The following FAM227B variants were observed in gnomAD, a reference collection of about 807,000 sequenced individuals.
FAM227B encodes protein FAM227B.
In FAM227B, 88 loss-of-function variants were observed where a neutral mutation model predicts 73.8. The ratio of observed to expected loss-of-function variants is 1.19; its 90% CI spans 1.00 to 1.42. The LOEUF (loss-of-function observed/expected upper bound fraction) is 1.42. Among genes scored for constraint, FAM227B ranks in the 40% most tolerant of loss-of-function variants. The probability of loss-of-function intolerance (pLI) is 0.00; values close to 1 mark genes in which losing one functional copy is unlikely to be tolerated. For synonymous variants in FAM227B, 210 were observed against 190.5 expected, an observed-to-expected ratio of 1.10 and a Z score of -0.84; for missense variants, 632 against 590.9, an observed-to-expected ratio of 1.07 and a Z score of -0.72.
chr15:49,354,916 A>T (rs946002905), intron 13 of FAM227B, among the ~76,000 whole-genome samples: 4 of 152,044 alleles, frequency 2.6e-5, no homozygotes, highest in Admixed American at 6.5e-5. Flanking sequence ...CTGCCTCCTC[A>T]AGTGGGTCCC....
intron 12 of FAM227B, 106 bp from the exon 13 acceptor site, chr15:49,367,714 T>C: frequency 2.7e-6 from 3 of 1,100,910 alleles, no homozygotes; most frequent in Non-Finnish European, 3.8e-6. Flanking sequence ...ATTTGATATA[T>C]TAAAATAAAG....
intron 10 of FAM227B, among the ~76,000 whole-genome samples, chr15:49,516,633 G>A (rs2152137950): frequency 6.6e-6 from 1 of 151,780 alleles, no homozygotes; most frequent in East Asian, 1.9e-4. Flanking sequence ...GCTGGGATGT[G>A]GAATTCAGTC....
intron 8 of FAM227B, among the ~76,000 whole-genome samples, chr15:49,569,302 T>C (rs900326502): frequency 6.6e-6 from 1 of 151,908 alleles, no homozygotes; most frequent in Non-Finnish European, 1.5e-5. Context: ...TCCATTTTGT[T>C]CTTCTCAGAG....
At chr15:49,373,126 A>G (rs2045951119) in intron 11 of FAM227B, among the ~76,000 whole-genome samples, 1 of 152,002 alleles carries the variant, frequency 6.6e-6, no homozygotes, top group Non-Finnish European at 1.5e-5. Context: ...TCTATGAACC[A>G]GTATCATTAA....
intron 11 of FAM227B, among the ~76,000 whole-genome samples, chr15:49,380,319 C>T (rs1327443820): frequency 6.6e-6 from 1 of 152,124 alleles, no homozygotes; most frequent in Non-Finnish European, 1.5e-5. Flanking sequence ...AAATGCTGTC[C>T]AAGAGTCAAA....
intron 13 of FAM227B, chr15:49,344,115 T>A (rs1432816563): frequency 6.6e-6 from 1 of 152,174 alleles, no homozygotes; most frequent in African/African-American, 2.4e-5. Context: ...AACTAAACCT[T>A]ATGAAATCTC....
At chr15:49,470,387 C>T (rs189704595) in intron 11 of FAM227B, among the ~76,000 whole-genome samples, 238 of 152,112 alleles carry the variant, frequency 1.6e-3, no homozygotes, top group African/African-American at 5.5e-3. Context: ...TTCTGTTGAT[C>T]CTACATATCT....
Position 49,429,309 on chromosome 15 carries a change from A to C in FAM227B, c.1013-57910T>G, listed in dbSNP as rs76199841. Among the ~76,000 whole-genome samples the C allele has an allele frequency of 2.0e-5, 3 of 152,096 alleles. No individual in the cohort carries two copies. In the East Asian group the frequency reaches 5.8e-4, roughly 29 times the overall value. On this transcript the variant is annotated intron_variant, in intron 11 of 15. Coordinates refer to ENST00000299338, the MANE Select transcript of FAM227B (RefSeq NM_152647.3). ...GGCTTTAAATTATGAAGAATGGATAAACTGCTGGGGAGCAGATTTGAAAAT... is the reference window on the plus strand; with the variant it reads ...GGCTTTAAATTATGAAGAATGGATACACTGCTGGGGAGCAGATTTGAAAAT...
In FAM227B at chr15:49,550,036, C is replaced by T. The variant is rs1181639345; in HGVS notation, c.748-8230G>A. On this transcript the variant is annotated intron_variant, in intron 9 of 15. Coordinates refer to ENST00000299338, the MANE Select transcript of FAM227B (RefSeq NM_152647.3). ...CTGACCCCCCCACCTCCCTCCCGGA[C>T]GGGGCGGCTGGCCGGGCTGGGGGCT... Among the ~76,000 whole-genome samples the T allele has an allele frequency of 2.9e-4, 39 of 135,448 alleles. 1 individual carries two copies. The highest frequency in any genetic ancestry group is 9.0e-4 in the African/African-American group (34 of 37,720). The allele number at this position is 135,448 out of a possible 152,430, so 88.9% of individuals were successfully genotyped here.
rs200623408 is a variant in FAM227B, at chr15:49,610,420, T to A, written c.105+795A>T. On this transcript the variant is annotated intron_variant, in intron 3 of 15. Transcript: ENST00000299338. Reference sequence around the variant, plus strand: ...CAATCCTTTCCCAAAACATTGAAAGTAAAAAAAAAAAAAAAAAAAAACTTG... The same window carrying A: ...CAATCCTTTCCCAAAACATTGAAAGAAAAAAAAAAAAAAAAAAAAAACTTG... Among the ~76,000 whole-genome samples the A allele has an allele frequency of 7.4e-3, 879 of 119,318 alleles. 4 individuals carry two copies. Among genetic ancestry groups the A allele is most frequent in the Non-Finnish European group, 9.9e-3 (563 of 56,654 alleles). 78.3% of individuals were successfully genotyped at this position (119,318 alleles called of 152,430 possible).
intron 11 of FAM227B, among the ~76,000 whole-genome samples, chr15:49,386,523 T>C (rs2046895264): frequency 6.6e-6 from 1 of 151,904 alleles, no homozygotes; most frequent in South Asian, 2.1e-4. Context: ...GGAAAGTTTA[T>C]AGTGCTAAAT....
intron 9 of FAM227B, among the ~76,000 whole-genome samples, chr15:49,548,373 C>T (rs1018028950): frequency 1.3e-5 from 2 of 152,140 alleles, no homozygotes; most frequent in Non-Finnish European, 2.9e-5. Flanking sequence ...ATAAATGCCA[C>T]TTGGTATTGA....
rs773225687 is a variant in FAM227B, at chr15:49,590,010, G to A, written c.106-3C>T. On this transcript the variant is annotated splice_polypyrimidine_tract_variant and splice_region_variant and intron_variant, in intron 3 of 15. Transcript: ENST00000299338. ...TGGATTTCCCTTGGCCAATAATCCT[G>A]CAAAAAACGTGAAAGAGAGAATATA... 1.6e-5 allele frequency: 24 copies of A among 1,461,410 alleles called. No individual in the cohort carries two copies. The highest frequency in any genetic ancestry group is 2.3e-5 in the Non-Finnish European group (24 of 1,047,076). The allele number at this position is 1,461,410 out of a possible 1,614,324, so 90.5% of individuals were successfully genotyped here.
At chr15:49,580,223 A>G (rs1025269600) in intron 5 of FAM227B, among the ~76,000 whole-genome samples, 7 of 152,202 alleles carry the variant, frequency 4.6e-5, no homozygotes, top group African/African-American at 1.7e-4. Context: ...ATTTGATAAA[A>G]CTAAGTAGTC....
chr15:49,591,484 CTTTTTTTTTT>C (rs71120696), intron 3 of FAM227B, among the ~76,000 whole-genome samples: 2 of 55,348 alleles, frequency 3.6e-5, no homozygotes, highest in Non-Finnish European at 6.8e-5. Context: ...CCCTTCCTTC[CTTTTTTTTTT>C]TTTTTTTTTT....
At chr15:49,522,337 T>C (rs1445034311) in intron 10 of FAM227B, among the ~76,000 whole-genome samples, 1 of 152,146 alleles carries the variant, frequency 6.6e-6, no homozygotes, top group Non-Finnish European at 1.5e-5. Context: ...TAAGAAGTGA[T>C]AGCTTCTTCA....
rs536834107 is a variant in FAM227B, at chr15:49,542,560, G to A, written c.748-754C>T. Among the ~76,000 whole-genome samples the A allele has an allele frequency of 8.7e-4, 132 of 151,156 alleles. 5 individuals carry two copies. In the South Asian group the frequency reaches 0.026, roughly 30 times the overall value. ...TATGCCTCTGCATCCTCATAGCTTA[G>A]CTCCCATGTATAAGTGAGACCATAT... On this transcript the variant is annotated intron_variant, in intron 9 of 15. Transcript: ENST00000299338.
chr15:49,455,931 T>C (rs2053243107), intron 11 of FAM227B, among the ~76,000 whole-genome samples: 2 of 152,126 alleles, frequency 1.3e-5, no homozygotes, highest in Admixed American at 6.6e-5. Context: ...TGGAAATTAC[T>C]ACAGAATGGG....
intron 11 of FAM227B, among the ~76,000 whole-genome samples, chr15:49,506,249 C>G (rs1357032928): frequency 6.6e-6 from 1 of 151,756 alleles, no homozygotes; most frequent in Non-Finnish European, 1.5e-5. Context: ...CTATAAAAAG[C>G]AAGTCAGTAT....
Sources: gnomAD v4.1 joint callset for allele counts (sites outside exome capture counted in the v4.1 genomes callset) on GRCh38, gnomAD v4.1.1 for gene constraint, MANE v1.5 for transcripts, NCBI Gene and HGNC (gene_info 2026-07-23, HGNC 2026-07-21) for gene names.